SOX5: variants seen among roughly 807,000 people sequenced by gnomAD.
The protein encoded by SOX5 is SRY-box transcription factor 5, also known as transcription factor SOX-5.
In SOX5, 9 loss-of-function variants were observed where a neutral mutation model predicts 92.0. The ratio of observed to expected loss-of-function variants is 0.10; its 90% CI spans 0.06 to 0.17. The LOEUF is 0.17. Among genes scored for constraint, SOX5 ranks in the 10% least tolerant of loss-of-function variants. The pLI is 1.00. For synonymous variants in SOX5, 344 were observed against 336.3 expected, an observed-to-expected ratio of 1.02 and a Z score of -0.25; for missense variants, 642 against 944.5, an observed-to-expected ratio of 0.68 and a Z score of 4.20.
At chr12:24,435,956 A>AT (rs1939347563) in intron 1 of SOX5, among the ~76,000 whole-genome samples, 1 of 152,126 alleles carries the variant, frequency 6.6e-6, no homozygotes, top group African/African-American at 2.4e-5. Context: ...CTTTGATGTT[A>AT]TTTTTGCAAG....
intron 8 of SOX5, among the ~76,000 whole-genome samples, chr12:23,635,344 G>A (rs1211661526): frequency 6.6e-6 from 1 of 152,136 alleles, no homozygotes; most frequent in Non-Finnish European, 1.5e-5. Flanking sequence ...AAGAGGACAT[G>A]ACAAAATTTT....
chr12:24,048,493 A>T (rs1957255938), intron 4 of SOX5, among the ~76,000 whole-genome samples: 1 of 152,198 alleles, frequency 6.6e-6, no homozygotes, highest in Non-Finnish European at 1.5e-5. Flanking sequence ...CTAGGCATAT[A>T]CCCAAGAAAA....
At chr12:24,305,440 G>A (rs1272751054) in intron 2 of SOX5, among the ~76,000 whole-genome samples, 3 of 152,202 alleles carry the variant, frequency 2.0e-5, no homozygotes, top group African/African-American at 7.2e-5. Context: ...TGATGAAAAT[G>A]AGTTTTGCCT....
intron 8 of SOX5, among the ~76,000 whole-genome samples, chr12:23,611,680 A>ACCCAGGAGCCAGCAGCAT (rs1161235613): frequency 1.3e-5 from 2 of 152,032 alleles, no homozygotes; most frequent in Non-Finnish European, 2.9e-5. Context: ...ACAGTCACTT[A>ACCCAGGAGCCAGCAGCAT]CCCAGGAGCC....
At chr12:23,984,590 G>A (rs1399710080) in intron 4 of SOX5, among the ~76,000 whole-genome samples, 1 of 152,140 alleles carries the variant, frequency 6.6e-6, no homozygotes, top group Non-Finnish European at 1.5e-5. Flanking sequence ...AAGTAGTGAA[G>A]AGAGACAGGA....
chr12:24,470,578 A>C (rs1282091220), intron 1 of SOX5, among the ~76,000 whole-genome samples: 1 of 152,116 alleles, frequency 6.6e-6, no homozygotes, highest in Non-Finnish European at 1.5e-5. Context: ...TGGGCAGGGA[A>C]ACACTCTCAT....
intron 3 of SOX5, among the ~76,000 whole-genome samples, chr12:24,272,360 T>G (rs1349564160): frequency 6.6e-6 from 1 of 152,168 alleles, no homozygotes; most frequent in Non-Finnish European, 1.5e-5. Flanking sequence ...CCTAATAACT[T>G]TATTTCCTTA....
chr12:23,839,126 G>C (rs1254066143), intron 3 of SOX5, among the ~76,000 whole-genome samples: 1 of 151,928 alleles, frequency 6.6e-6, no homozygotes, highest in East Asian at 1.9e-4. Context: ...TGGGATTACA[G>C]GTGTGAGCCA....
At chr12:24,174,832 A>G (rs1171169864) in intron 4 of SOX5, among the ~76,000 whole-genome samples, 8 of 152,018 alleles carry the variant, frequency 5.3e-5, no homozygotes, top group Admixed American at 1.3e-4. Flanking sequence ...AAAAAAAAAG[A>G]AAAGAAAAGG....
At chr12:24,388,819 A>G (rs1355155819) in intron 1 of SOX5, among the ~76,000 whole-genome samples, 1 of 151,904 alleles carries the variant, frequency 6.6e-6, no homozygotes, top group African/African-American at 2.4e-5. Context: ...CTGTCTCTAT[A>G]TATTTGGTTG....
At chr12:24,191,564 C>T (rs922137856) in intron 4 of SOX5, among the ~76,000 whole-genome samples, 2 of 152,188 alleles carry the variant, frequency 1.3e-5, no homozygotes, top group Non-Finnish European at 1.5e-5. Context: ...TGACCAGATA[C>T]GTTCCTACAG....
chr12:23,549,045 A>C (rs1346394553), intron 11 of SOX5, among the ~76,000 whole-genome samples: 3 of 151,974 alleles, frequency 2.0e-5, no homozygotes, highest in Non-Finnish European at 1.5e-5. Context: ...TCATGTATAA[A>C]GCTCAACCAT....
At chr12:23,923,101 ACGCCCGGC>A (rs1938883952) in intron 1 of SOX5, among the ~76,000 whole-genome samples, 1 of 151,976 alleles carries the variant, frequency 6.6e-6, no homozygotes, top group Non-Finnish European at 1.5e-5. Flanking sequence ...GCCCGCCACA[ACGCCCGGC>A]TAATTTTTTG....
chr12:23,970,164 A>C (rs1233966258), intron 4 of SOX5, among the ~76,000 whole-genome samples: 2 of 152,328 alleles, frequency 1.3e-5, no homozygotes, highest in South Asian at 4.1e-4. Flanking sequence ...TCTATCATAA[A>C]AAAAGGAAAA....
intron 2 of SOX5, among the ~76,000 whole-genome samples, chr12:23,870,345 A>G (rs2096859551): frequency 1.3e-5 from 2 of 152,302 alleles, no homozygotes; most frequent in Middle Eastern, 3.4e-3. Flanking sequence ...ATAGGGATAC[A>G]GGAATGGGGC....
intron 1 of SOX5, among the ~76,000 whole-genome samples, chr12:24,405,636 A>G (rs1393986146): frequency 6.6e-6 from 1 of 152,152 alleles, no homozygotes; most frequent in Non-Finnish European, 1.5e-5. Context: ...AGAAGTGGCT[A>G]GTTTCATCCT....
chr12:23,714,547 G>A (rs1458982401), intron 6 of SOX5, among the ~76,000 whole-genome samples: 1 of 152,134 alleles, frequency 6.6e-6, no homozygotes, highest in African/African-American at 2.4e-5. Context: ...CTTGAACCCG[G>A]GAGGCGGAGG....
At chr12:24,408,039 G>A (rs113898437) in intron 1 of SOX5, among the ~76,000 whole-genome samples, 46 of 152,264 alleles carry the variant, frequency 3.0e-4, no homozygotes, top group Non-Finnish European at 5.6e-4. Flanking sequence ...CAGAGATCTC[G>A]ATGAAGTGAA....
chr12:24,146,752 A>T (rs1348981693), intron 4 of SOX5, among the ~76,000 whole-genome samples: 1 of 151,156 alleles, frequency 6.6e-6, no homozygotes, highest in East Asian at 1.9e-4. Flanking sequence ...AAAAAAAAAA[A>T]GGAGAGAAGA....
Sources: allele counts gnomAD v4.1 joint callset (sites outside exome capture counted in the v4.1 genomes callset), GRCh38; gene constraint gnomAD v4.1.1; transcripts MANE v1.5; gene names NCBI Gene and HGNC (gene_info 2026-07-23, HGNC 2026-07-21).